TTC29: variants seen among roughly 807,000 people sequenced by gnomAD.
The protein encoded by TTC29 is tetratricopeptide repeat domain 29.
In TTC29, 49 loss-of-function variants were observed where a neutral mutation model predicts 58.1. The observed-to-expected ratio is 0.84, with a 90% CI of 0.67 to 1.07. The LOEUF (loss-of-function observed/expected upper bound fraction) is 1.07. Among genes scored for constraint, TTC29 ranks in the 50% least tolerant of loss-of-function variants. The probability of loss-of-function intolerance (pLI) is 0.00; values close to 1 mark genes in which losing one functional copy is unlikely to be tolerated. For synonymous variants in TTC29, 209 were observed against 196.8 expected, an observed-to-expected ratio of 1.06 and a Z score of -0.52; for missense variants, 582 against 555.6, an observed-to-expected ratio of 1.05 and a Z score of -0.48.
At chr4:146,731,563 G>A (rs771073955) in intron 11 of TTC29, among the ~76,000 whole-genome samples, 2 of 151,974 alleles carry the variant, frequency 1.3e-5, no homozygotes, top group East Asian at 1.9e-4. Flanking sequence ...GACAAAGAAC[G>A]GACCACAGAG....
At chr4:146,735,078 A>G (rs1297901599) in intron 11 of TTC29, among the ~76,000 whole-genome samples, 2 of 152,192 alleles carry the variant, frequency 1.3e-5, no homozygotes, top group Non-Finnish European at 2.9e-5. Context: ...GTTATCTGCA[A>G]TTACTACAAT....
At chr4:146,927,026 G>A (rs1338283263) in intron 4 of TTC29, among the ~76,000 whole-genome samples, 2 of 149,624 alleles carry the variant, frequency 1.3e-5, no homozygotes, top group African/African-American at 4.9e-5. Context: ...AAACCCAGGA[G>A]GTGGAGATTG....
At chr4:146,775,972 A>G (rs1748063590) in intron 11 of TTC29, among the ~76,000 whole-genome samples, 1 of 152,150 alleles carries the variant, frequency 6.6e-6, no homozygotes, top group South Asian at 2.1e-4. Context: ...CCTTTGAGAA[A>G]TTCATTTTTC....
intron 10 of TTC29, among the ~76,000 whole-genome samples, chr4:146,819,234 G>A (rs976068242): frequency 6.6e-6 from 1 of 152,018 alleles, no homozygotes; most frequent in East Asian, 1.9e-4. Flanking sequence ...TGAGAAAACC[G>A]AGGCACCTAG....
intron 6 of TTC29, among the ~76,000 whole-genome samples, chr4:146,878,544 G>T (rs1037768060): frequency 6.6e-6 from 1 of 152,266 alleles, no homozygotes; most frequent in Non-Finnish European, 1.5e-5. Flanking sequence ...GTTTTCATAA[G>T]TGATGATTAG....
intron 6 of TTC29, among the ~76,000 whole-genome samples, chr4:146,875,939 C>T (rs930135194): frequency 1.3e-5 from 2 of 152,180 alleles, no homozygotes; most frequent in African/African-American, 2.4e-5. Flanking sequence ...CATGGGAATG[C>T]TCACAATATC....
intron 11 of TTC29, among the ~76,000 whole-genome samples, chr4:146,710,543 T>A (rs966810783): frequency 2.0e-5 from 3 of 152,128 alleles, no homozygotes; most frequent in African/African-American, 7.2e-5. Context: ...CACAGGACTG[T>A]TGGCTCTTGG....
chr4:146,879,351 T>G (rs1731474001), intron 6 of TTC29, among the ~76,000 whole-genome samples: 1 of 152,228 alleles, frequency 6.6e-6, no homozygotes, highest in African/African-American at 2.4e-5. Flanking sequence ...ATCCAATTTC[T>G]ATTTCCAACT....
intron 11 of TTC29, among the ~76,000 whole-genome samples, chr4:146,730,795 T>C (rs1483825184): frequency 6.6e-6 from 1 of 152,120 alleles, no homozygotes; most frequent in Admixed American, 6.6e-5. Flanking sequence ...GCAATTTCAG[T>C]TGAAGGTGGG....
At chr4:146,724,607 G>C (rs1487304703) in intron 11 of TTC29, among the ~76,000 whole-genome samples, 3 of 151,796 alleles carry the variant, frequency 2.0e-5, no homozygotes, top group African/African-American at 7.3e-5. Context: ...TCTGCCTCCT[G>C]AGTTCAAGCA....
intron 7 of TTC29, among the ~76,000 whole-genome samples, chr4:146,874,216 A>G (rs184986934): frequency 6.6e-6 from 1 of 152,252 alleles, no homozygotes; most frequent in Admixed American, 6.5e-5. Flanking sequence ...CTGTTATAAC[A>G]TATTGAAGCT....
At chr4:146,803,734 T>C (rs1750405610) in intron 10 of TTC29, 49 bp from the exon 11 acceptor site, 2 of 1,416,374 alleles carry the variant, frequency 1.4e-6, no homozygotes, top group Non-Finnish European at 1.9e-6. Flanking sequence ...AATGTCACCA[T>C]TTCACATATT....
At chr4:146,826,761 C>T (rs948908972) in intron 9 of TTC29, among the ~76,000 whole-genome samples, 5 of 151,970 alleles carry the variant, frequency 3.3e-5, no homozygotes, top group African/African-American at 4.8e-5. Context: ...TTTGTAGGCT[C>T]GGTCTTTTTA....
chr4:146,781,299 TA>T (rs1463870698), intron 11 of TTC29, among the ~76,000 whole-genome samples: 1 of 151,930 alleles, frequency 6.6e-6, no homozygotes, highest in Non-Finnish European at 1.5e-5. Context: ...ATACTTGATA[TA>T]AATATTTAGA....
At chr4:146,802,946 A>G (rs1750335566) in intron 11 of TTC29, among the ~76,000 whole-genome samples, 1 of 152,188 alleles carries the variant, frequency 6.6e-6, no homozygotes, top group African/African-American at 2.4e-5. Flanking sequence ...AGAATTCTTC[A>G]ATTCTATTGA....
chr4:146,885,564 C>T (rs1035666058), intron 6 of TTC29, among the ~76,000 whole-genome samples: 1 of 152,008 alleles, frequency 6.6e-6, no homozygotes, highest in Non-Finnish European at 1.5e-5. Context: ...GGGATATACA[C>T]TTTAATCATC....
chr4:146,758,410 C>G (rs113124981), intron 11 of TTC29, among the ~76,000 whole-genome samples: 2,688 of 152,216 alleles, frequency 0.018, 54 homozygotes, highest in Non-Finnish European at 0.024. Context: ...CAATACTCCA[C>G]TGACAGCACT....
chr4:146,849,713 G>C (rs1729396073), intron 8 of TTC29, among the ~76,000 whole-genome samples: 1 of 151,218 alleles, frequency 6.6e-6, no homozygotes, highest in Non-Finnish European at 1.5e-5. Context: ...TCCAAGGTCA[G>C]CTATGATCCT....
At chr4:146,864,982 G>C (rs1730474711) in intron 8 of TTC29, among the ~76,000 whole-genome samples, 1 of 151,466 alleles carries the variant, frequency 6.6e-6, no homozygotes, top group Non-Finnish European at 1.5e-5. Flanking sequence ...ACAGTTATTA[G>C]TCTCACTGGA....
Sources: gnomAD v4.1 joint callset for allele counts (sites outside exome capture counted in the v4.1 genomes callset) on GRCh38, gnomAD v4.1.1 for gene constraint, MANE v1.5 for transcripts, NCBI Gene and HGNC (gene_info 2026-07-23, HGNC 2026-07-21) for gene names.